FAM53A: variants seen among roughly 807,000 people sequenced by gnomAD.
FAM53A encodes family with sequence similarity 53 member A.
A neutral mutation model predicts 26.6 loss-of-function variants in FAM53A; 28 were observed. The observed-to-expected ratio is 1.05, with a 90% CI of 0.78 to 1.45. The LOEUF is 1.45. Ranked by LOEUF, FAM53A falls within the 40% of genes most tolerant of loss-of-function variation. The pLI, the probability that FAM53A is intolerant of heterozygous loss-of-function variation, is 0.00. For missense variants in FAM53A, 650 were observed against 575.8 expected (o/e 1.13, Z -1.32); for synonymous variants, 290 against 253.1 (o/e 1.15, Z -1.38).
At chr4:1,614,195 C>T (rs1714723394), downstream of FAM53A, among the ~76,000 whole-genome samples, 1 of 152,130 alleles carries the variant, frequency 6.6e-6, no homozygotes, top group Admixed American at 6.5e-5. Context: ...TGCGCGCAGC[C>T]CATCCCAGAG....
At chr4:1,657,318 G>T in intron 3 of FAM53A, 90 bp downstream of exon 3, 1 of 1,208,866 alleles carries the variant, frequency 8.3e-7, no homozygotes, top group Non-Finnish European at 1.2e-6. Context: ...CTGCAGATCC[G>T]GCTCATGTTC....
the FAM53A span, chr4:1,580,090 G>A: frequency 6.6e-6 from 1 of 152,198 alleles, no homozygotes; most frequent in Non-Finnish European, 1.5e-5. Flanking sequence ...ATTTTAAAAT[G>A]TTCCTCCAGT....
the FAM53A span, among the ~76,000 whole-genome samples, chr4:1,605,400 C>G: frequency 6.6e-6 from 1 of 152,184 alleles, no homozygotes; most frequent in African/African-American, 2.4e-5. The surrounding 1 kb of genome is among the most constrained non-coding windows in gnomAD (Gnocchi z 5.7). Flanking sequence ...GGTGACCCAG[C>G]CTGGAGTCGC....
the FAM53A span, among the ~76,000 whole-genome samples, chr4:1,602,710 C>T: frequency 6.6e-6 from 1 of 152,128 alleles, no homozygotes; most frequent in Non-Finnish European, 1.5e-5. Flanking sequence ...CCAGGCTGAG[C>T]GAGACCCGGT....
chr4:1,661,354 T>C (rs62287707), intron 2 of FAM53A, among the ~76,000 whole-genome samples: 39,945 of 152,044 alleles, frequency 0.26, 6,116 homozygotes, highest in Middle Eastern at 0.46. Context: ...CCAGCACCCC[T>C]TGGGCTCTAC....
the FAM53A span, among the ~76,000 whole-genome samples, chr4:1,590,391 C>T: frequency 0.05 from 7,602 of 152,194 alleles, 268 homozygotes; most frequent in Middle Eastern, 0.095. Flanking sequence ...TAAGAAAGCC[C>T]GGGTGCTCCC....
At chr4:1,680,844 G>A (rs577140864) in intron 1 of FAM53A, among the ~76,000 whole-genome samples, 1 of 151,678 alleles carries the variant, frequency 6.6e-6, no homozygotes, top group South Asian at 2.1e-4. Context: ...AGAGAGGTGA[G>A]GCAGGGCACA....
At chr4:1,605,073 G>A in the FAM53A span, among the ~76,000 whole-genome samples, 1 of 152,212 alleles carries the variant, frequency 6.6e-6, no homozygotes, top group Non-Finnish European at 1.5e-5. This position sits in a 1 kb window ranked among gnomAD's most constrained non-coding sequence, Gnocchi z 5.7. Context: ...GGCTCCACCT[G>A]GCTGCTGAGT....
chr4:1,653,869 G>A (rs946710087), intron 4 of FAM53A, among the ~76,000 whole-genome samples: 4 of 152,324 alleles, frequency 2.6e-5, no homozygotes, highest in Admixed American at 2.0e-4. Flanking sequence ...TGGCCAGGTC[G>A]AGGAGGACCT....
At chr4:1,678,741 G>C (rs1715206761) in intron 1 of FAM53A, among the ~76,000 whole-genome samples, 1 of 151,902 alleles carries the variant, frequency 6.6e-6, no homozygotes, top group African/African-American at 2.4e-5. Flanking sequence ...AGAATCACTT[G>C]AACCCGGGAG....
chr4:1,654,213 G>C (rs931349981), intron 4 of FAM53A, among the ~76,000 whole-genome samples: 2 of 152,218 alleles, frequency 1.3e-5, no homozygotes, highest in African/African-American at 4.8e-5. Context: ...AGATGACCCA[G>C]TGAGTGTGCA....
At chr4:1,625,113 CG>C (rs1715228851) in intron 1 of FAM53A, among the ~76,000 whole-genome samples, 1 of 91,218 alleles carries the variant, frequency 1.1e-5, no homozygotes, top group African/African-American at 6.7e-5. Flanking sequence ...CCCCACGTCC[CG>C]ACCCACGTGG....
chr4:1,665,088 G>T (rs867673152), intron 2 of FAM53A, among the ~76,000 whole-genome samples: 1 of 152,220 alleles, frequency 6.6e-6, no homozygotes, highest in African/African-American at 2.4e-5. Context: ...GCTGAGGTGG[G>T]TGGATCACTT....
chr4:1,612,449 C>G, the FAM53A span, among the ~76,000 whole-genome samples: 2 of 152,148 alleles, frequency 1.3e-5, no homozygotes, highest in Admixed American at 1.3e-4. Flanking sequence ...GAGGGGTGTG[C>G]TCCGCCCCCT....
At position 1,655,328 on chromosome 4, in the gene FAM53A, C is replaced by T. The variant is rs1713249419; in HGVS notation, c.532G>A (p.Gly178Ser). Reference protein sequence around the residue: ...VLPRSAVWSTGPTSPATPRPS... With the variant: ...VLPRSAVWSTSPTSPATPRPS... ...CGGGGCGTGGCGGGCGAGGTGGGAC[C>T]GGTCGACCACACAGCACTCCTCGGC... Residue 178 changes from glycine to serine, a missense_variant, in exon 4 of 5, where the codon GGT becomes AGT. Transcript: ENST00000308132. 3 of 1,420,346 alleles carry T rather than the reference C, an allele frequency of 2.1e-6. No homozygotes were observed. Among genetic ancestry groups the T allele is most frequent in the Admixed American group, 3.2e-5 (1 of 31,476 alleles). 88.0% of individuals were successfully genotyped at this position (1,420,346 alleles called of 1,614,324 possible). A position where few individuals can be genotyped will look rare whatever the true frequency, so the allele number is the denominator to read the frequency against.
chr4:1,632,417 C>A (rs78553568), intron 1 of FAM53A, among the ~76,000 whole-genome samples: 2,269 of 152,230 alleles, frequency 0.015, 61 homozygotes, highest in African/African-American at 0.05. Context: ...GGACTTCCAG[C>A]CTCCAGAACT....
chr4:1,593,141 G>A, the FAM53A span, among the ~76,000 whole-genome samples: 2 of 152,198 alleles, frequency 1.3e-5, no homozygotes, highest in Non-Finnish European at 2.9e-5. Flanking sequence ...GGCGGCCAGA[G>A]AGGCACCAGG....
intron 1 of FAM53A, among the ~76,000 whole-genome samples, chr4:1,682,694 T>G (rs1186832655): frequency 6.6e-6 from 1 of 152,148 alleles, no homozygotes; most frequent in Admixed American, 6.6e-5. Context: ...TATTTCTGTT[T>G]CCTGTGCACA....
the FAM53A span, among the ~76,000 whole-genome samples, chr4:1,589,783 GCTT>G: frequency 6.6e-6 from 1 of 151,662 alleles, no homozygotes; most frequent in African/African-American, 2.4e-5. Flanking sequence ...TATTTACTTT[GCTT>G]CTTCTCTCCT....
Sources: gnomAD v4.1 joint callset for allele counts (sites outside exome capture counted in the v4.1 genomes callset) on GRCh38, gnomAD v4.1.1 for gene constraint, Gnocchi (gnomAD v3.1) non-coding constraint, MANE v1.5 for transcripts, NCBI Gene and HGNC (gene_info 2026-07-23, HGNC 2026-07-21) for gene names.